SLC4A10: variants seen among roughly 807,000 people sequenced by gnomAD.
The protein encoded by SLC4A10 is solute carrier family 4 member 10.
Under a neutral mutation model 137.7 loss-of-function variants are expected in SLC4A10, and 42 were observed. The observed-to-expected ratio is 0.30, with a 90% CI of 0.24 to 0.39. SLC4A10 has a LOEUF of 0.39. Ranked by LOEUF, SLC4A10 falls within the 10% of genes least tolerant of loss-of-function variation. SLC4A10 has a pLI of 1.00. For missense variants in SLC4A10, 925 were observed against 1,355.0 expected, an observed-to-expected ratio of 0.68 and a Z score of 4.98; for synonymous variants, 474 against 464.1, an observed-to-expected ratio of 1.02 and a Z score of -0.27.
At chr2:161,691,050 A>T (rs1410203486) in intron 1 of SLC4A10, among the ~76,000 whole-genome samples, 4 of 152,166 alleles carry the variant, frequency 2.6e-5, no homozygotes, top group Non-Finnish European at 5.9e-5. Flanking sequence ...TAGACACTAT[A>T]TATGTACATA....
At chr2:161,699,424 G>A (rs917663917) in intron 1 of SLC4A10, among the ~76,000 whole-genome samples, 1 of 152,166 alleles carries the variant, frequency 6.6e-6, no homozygotes, top group Admixed American at 6.6e-5. Context: ...TATGTTTTGA[G>A]TTTTGAAATA....
At chr2:161,874,999 C>G (rs1001386610) in intron 8 of SLC4A10, among the ~76,000 whole-genome samples, 2 of 152,092 alleles carry the variant, frequency 1.3e-5, no homozygotes, top group Non-Finnish European at 2.9e-5. Context: ...AAACACCAGA[C>G]CATAATTGAA....
At chr2:161,630,807 C>G (rs2033400015) in intron 1 of SLC4A10, among the ~76,000 whole-genome samples, 1 of 151,642 alleles carries the variant, frequency 6.6e-6, no homozygotes, top group Admixed American at 6.6e-5. Flanking sequence ...TGTTTTCCAG[C>G]CTTGCAGATG....
At chr2:161,763,225 G>A (rs781746571) in intron 1 of SLC4A10, among the ~76,000 whole-genome samples, 1 of 151,538 alleles carries the variant, frequency 6.6e-6, no homozygotes, top group Non-Finnish European at 1.5e-5. Context: ...ATATTTTTTT[G>A]AAAGATGTTT....
At chr2:161,844,425 ATAGGTATTCTTTGATTACATGT>A (rs746292637) in intron 4 of SLC4A10, among the ~76,000 whole-genome samples, 41 of 152,254 alleles carry the variant, frequency 2.7e-4, no homozygotes, top group Middle Eastern at 3.4e-3. Context: ...TAAGATGACT[ATAGGTATTCTTTGATTACATGT>A]TATTCTCTAG....
chr2:161,935,566 A>G (rs1187755825), intron 15 of SLC4A10, among the ~76,000 whole-genome samples: 1 of 152,090 alleles, frequency 6.6e-6, no homozygotes, highest in African/African-American at 2.4e-5. Context: ...AATGTTTTAT[A>G]GTTTTCAGTG....
chr2:161,898,066 G>A (rs1010209986), intron 11 of SLC4A10, among the ~76,000 whole-genome samples: 8 of 152,052 alleles, frequency 5.3e-5, no homozygotes, highest in Non-Finnish European at 1.2e-4. Flanking sequence ...GTCATAGAAA[G>A]AACATCAAAT....
At chr2:161,683,113 G>T (rs1345917062) in intron 1 of SLC4A10, among the ~76,000 whole-genome samples, 1 of 152,034 alleles carries the variant, frequency 6.6e-6, no homozygotes, top group African/African-American at 2.4e-5. Flanking sequence ...GTGAATACAG[G>T]GTGCATGGTT....
intron 2 of SLC4A10, among the ~76,000 whole-genome samples, chr2:161,796,973 T>A (rs1439859307): frequency 2.0e-5 from 3 of 152,148 alleles, no homozygotes; most frequent in Non-Finnish European, 4.4e-5. Context: ...GTGACAGGTC[T>A]GTTCAGAATT....
At chr2:161,853,260 T>G (rs138904838) in intron 4 of SLC4A10, among the ~76,000 whole-genome samples, 2 of 152,318 alleles carry the variant, frequency 1.3e-5, no homozygotes, top group African/African-American at 2.4e-5. Context: ...TCACAATTCA[T>G]GTCCATCATG....
In SLC4A10 at chr2:161,645,082, A is replaced by G. The variant is rs2035849198; in HGVS notation, c.48+20516A>G. ...TTGAGAATTGGAAGAGACTATTTTT[A>G]TTCTCAAAAGTAAAATGGTTATGCT... On this transcript the variant is annotated intron_variant, in intron 1 of 26. Transcript: ENST00000446997. Among the ~76,000 whole-genome samples, 4 of 152,118 alleles carry G rather than the reference A, an allele frequency of 2.6e-5. No homozygotes were observed. In the South Asian group the frequency reaches 8.3e-4, roughly 31 times the overall value.
chr2:161,835,899 C>T (rs971953270), intron 3 of SLC4A10, among the ~76,000 whole-genome samples: 1 of 152,204 alleles, frequency 6.6e-6, no homozygotes, highest in Non-Finnish European at 1.5e-5. Context: ...GGTTCAGCAG[C>T]TGAATACATC....
chr2:161,660,911 C>T (rs1054300642), intron 1 of SLC4A10, among the ~76,000 whole-genome samples: 9 of 151,800 alleles, frequency 5.9e-5, no homozygotes, highest in African/African-American at 9.7e-5. Context: ...CCACCTGCCT[C>T]GGCCTCCCAA....
In SLC4A10 at chr2:161,642,151, G is replaced by A. The variant is rs182298379; in HGVS notation, c.48+17585G>A. ...AGCATGGCCTGGTATAGAACTAAAAGGATACATATATCTTTGATTCCCTAG... is the reference window on the plus strand; with the variant it reads ...AGCATGGCCTGGTATAGAACTAAAAAGATACATATATCTTTGATTCCCTAG... On this transcript the variant is annotated intron_variant, in intron 1 of 26. Coordinates refer to ENST00000446997, the MANE Select transcript of SLC4A10 (RefSeq NM_001178015.2). 3.9e-5 allele frequency among the ~76,000 whole-genome samples: 6 copies of A among 151,906 alleles called. No homozygotes were observed. The East Asian group carries it at 1.2e-3, about 29-fold the overall frequency.
At position 161,942,836 on chromosome 2, in the gene SLC4A10, A is replaced by G. The variant is rs757130894; in HGVS notation, c.2042A>G (p.Lys681Arg). 1 of 1,606,190 alleles carries G rather than the reference A, an allele frequency of 6.2e-7. No individual in the cohort carries two copies. Among genetic ancestry groups the G allele is most frequent in the East Asian group, 2.2e-5 (1 of 44,666 alleles). ...CATAATCCCAGCAATGGCACATTGA[A>G]GGAATGGAGGGAATCCAATATTTCT... ...EPHNPSNGTL[K>R]EWRESNISAS... Residue 681 changes from lysine (K) to arginine (R), a missense_variant, in exon 16 of 27, where the codon AAG becomes AGG. Coordinates refer to ENST00000446997, the MANE Select transcript of SLC4A10 (RefSeq NM_001178015.2).
chr2:161,714,825 C>T (rs1464468108), intron 1 of SLC4A10, among the ~76,000 whole-genome samples: 1 of 151,882 alleles, frequency 6.6e-6, no homozygotes, highest in African/African-American at 2.4e-5. Context: ...ACGTTAATCT[C>T]TAGAGTTGTA....
At chr2:161,945,920 T>G in intron 16 of SLC4A10, among the ~76,000 whole-genome samples, 1 of 152,044 alleles carries the variant, frequency 6.6e-6, no homozygotes, top group African/African-American at 2.4e-5. Context: ...GCTCACAAAT[T>G]TATAGATAAT....
chr2:161,750,872 T>C (rs2048895132), intron 1 of SLC4A10, among the ~76,000 whole-genome samples: 2 of 151,810 alleles, frequency 1.3e-5, no homozygotes, highest in Admixed American at 1.3e-4. Flanking sequence ...TGTTAACATA[T>C]GCTATATATA....
intron 1 of SLC4A10, among the ~76,000 whole-genome samples, chr2:161,664,532 A>T (rs1317217782): frequency 3.3e-5 from 5 of 151,902 alleles, no homozygotes; most frequent in Non-Finnish European, 5.9e-5. Flanking sequence ...TTTTCAGCCT[A>T]TGGCATCATT....
Sources: gnomAD v4.1 joint callset for allele counts (sites outside exome capture counted in the v4.1 genomes callset) on GRCh38, gnomAD v4.1.1 for gene constraint, MANE v1.5 for transcripts, NCBI Gene and HGNC (gene_info 2026-07-23, HGNC 2026-07-21) for gene names.